CBR3: variants seen among roughly 807,000 people sequenced by gnomAD.
The protein encoded by CBR3 is carbonyl reductase 3, also known as carbonyl reductase [NADPH] 3.
A neutral mutation model predicts 11.6 loss-of-function variants in CBR3; 14 were observed. That is an observed-to-expected ratio of 1.20 (90% CI 0.79 to 1.88). The LOEUF (loss-of-function observed/expected upper bound fraction) is 1.88. CBR3 is among the 40% of genes most tolerant of loss of function. The probability of loss-of-function intolerance (pLI) is 0.00; values close to 1 mark genes in which losing one functional copy is unlikely to be tolerated. For missense variants in CBR3, 308 were observed against 357.3 expected (o/e 0.86, Z 1.11); for synonymous variants, 125 against 145.6 (o/e 0.86, Z 1.02).
At position 36,146,077 on chromosome 21, in the gene CBR3, G is replaced by A; in HGVS notation, c.399G>A (p.Gly133=). ...NELLPIMKPH[G]RVVNISSLQC... ...CATATATTTATCATTCTGTTTCAGG[G>A]AGAGTGGTGAATATCAGTAGTTTGC... The change falls in exon 3 of 3, where the codon GGG becomes GGA. Residue 133 remains glycine (G), a splice_region_variant and synonymous_variant. Coordinates refer to ENST00000290354, the MANE Select transcript of CBR3 (RefSeq NM_001236.4). The A allele has an allele frequency of 6.2e-7, 1 of 1,604,406 alleles. No homozygotes were observed. Among genetic ancestry groups the A allele is most frequent in the Non-Finnish European group, 8.5e-7 (1 of 1,171,796 alleles).
rs575657201 is a variant in CBR3 at position 36,141,902 on chromosome 21, A to G, written c.397+3970A>G. ...CTGTGTTTTTCTTTCTTCCTTTCCCATTCACATTTAATTCCTTGTAGCCGC... is the reference window on the plus strand; with the variant it reads ...CTGTGTTTTTCTTTCTTCCTTTCCCGTTCACATTTAATTCCTTGTAGCCGC... On this transcript the variant is annotated intron_variant, in intron 2 of 2. Transcript: ENST00000290354. 5 of 982,688 alleles carry G rather than the reference A, an allele frequency of 5.1e-6. No homozygotes were observed. In the African/African-American group the frequency reaches 8.7e-5, roughly 17 times the overall value. 60.9% of individuals were successfully genotyped at this position (982,688 alleles called of 1,614,324 possible). A position where few individuals can be genotyped will look rare whatever the true frequency, so the allele number is the denominator to read the frequency against.
rs750455904 is a variant in CBR3 at position 36,135,406 on chromosome 21, G to A, written c.214G>A (p.Ala72Thr). ...CATCGACGACTTGCAGAGCATCCGC[G>A]CCCTGCGCGACTTCCTGCGCAAGGA... Reference protein sequence around the residue: ...LDIDDLQSIRALRDFLRKEYG... With the variant: ...LDIDDLQSIRTLRDFLRKEYG... The change falls in exon 1 of 3, where the codon GCC becomes ACC. Residue 72 changes from alanine (A) to threonine (T), a missense_variant. By Grantham distance (58) the Ala-to-Thr change is moderately conservative. Transcript: ENST00000290354. 9.9e-6 allele frequency: 16 copies of A among 1,613,462 alleles called. No individual in the cohort carries two copies. The Admixed American group carries it at 1.2e-4, about 12-fold the overall frequency.
At chr21:36,145,960 C>CAA (rs367940562) in intron 2 of CBR3, 116 bp from the exon 3 acceptor site, 20,172 of 445,052 alleles carry the variant, frequency 0.045, 9 homozygotes, top group East Asian at 0.052. Context: ...GACTCTGTCT[C>CAA]AAAAAAAAAA....
chr21:36,144,323 G>A (rs1242665987), intron 2 of CBR3, among the ~76,000 whole-genome samples: 1 of 152,130 alleles, frequency 6.6e-6, no homozygotes, highest in Non-Finnish European at 1.5e-5. Context: ...GCTGGGCATG[G>A]TGGCACACAC....
chr21:36,145,978 A>AG lies in CBR3; in HGVS notation c.398-98_398-97insG. On this transcript the variant is annotated intron_variant, in intron 2 of 2. Transcript: ENST00000290354. ...TCTGTCTCAAAAAAAAAAAAAAAAAAAAACCTGCACCAAGACTCAATCATA... is the reference window on the plus strand; with the variant it reads ...TCTGTCTCAAAAAAAAAAAAAAAAAAGAAACCTGCACCAAGACTCAATCATA... The AG allele has an allele frequency of 3.6e-6, 3 of 823,876 alleles. No individual in the cohort carries two copies. In the South Asian group the frequency reaches 5.7e-5, roughly 16 times the overall value. The allele number at this position is 823,876 out of a possible 1,614,324, so 51.0% of individuals were successfully genotyped here.
At chr21:36,138,176 T>C (rs1351995702) in intron 2 of CBR3, 4 of 426,364 alleles carry the variant, frequency 9.4e-6, no homozygotes, top group Admixed American at 3.7e-5. Context: ...GGAAGAAATT[T>C]TGCTCTTGTT....
intron 2 of CBR3, among the ~76,000 whole-genome samples, chr21:36,140,537 G>A (rs1007944277): frequency 6.6e-5 from 10 of 151,722 alleles, no homozygotes; most frequent in Admixed American, 2.0e-4. Context: ...GTTTTCTCCC[G>A]ATAAATTTTT....
At chr21:36,141,827 C>A (rs2065711785) in intron 2 of CBR3, 2 of 628,046 alleles carry the variant, frequency 3.2e-6, no homozygotes, top group Admixed American at 6.3e-5. Flanking sequence ...AAAGAGGACA[C>A]CTCCTCCCCT....
At chr21:36,141,926 G>A (rs546783590) in intron 2 of CBR3, 229 of 984,188 alleles carry the variant, frequency 2.3e-4, no homozygotes, top group Middle Eastern at 2.1e-3. Flanking sequence ...CCTTGTAGCC[G>A]CCAAGTTTCT....
At chr21:36,145,388 G>A (rs561013463) in intron 2 of CBR3, among the ~76,000 whole-genome samples, 1 of 152,162 alleles carries the variant, frequency 6.6e-6, no homozygotes, top group East Asian at 1.9e-4. Context: ...GGAGTGTAGT[G>A]GAGTGTAGTG....
intron 2 of CBR3, among the ~76,000 whole-genome samples, chr21:36,145,523 A>G (rs998848789): frequency 2.0e-5 from 3 of 152,134 alleles, no homozygotes; most frequent in Non-Finnish European, 4.4e-5. Flanking sequence ...TATTGTTAGT[A>G]GAGACAGAGT....
intron 2 of CBR3, among the ~76,000 whole-genome samples, chr21:36,139,911 A>G (rs537138410): frequency 8.4e-6 from 1 of 118,346 alleles, no homozygotes; most frequent in East Asian, 2.7e-4. Flanking sequence ...TTTCTGAGAC[A>G]GAGTCTCCCT....
At chr21:36,137,558 G>GGAAA (rs2065671255) in intron 1 of CBR3, among the ~76,000 whole-genome samples, 1 of 124,992 alleles carries the variant, frequency 8.0e-6, no homozygotes, top group Non-Finnish European at 1.7e-5. Flanking sequence ...AAGGAAGGAA[G>GGAAA]GAAAGAAAAT....
chr21:36,140,762 C>T (rs1196761337), intron 2 of CBR3, among the ~76,000 whole-genome samples: 1 of 152,048 alleles, frequency 6.6e-6, no homozygotes, highest in Non-Finnish European at 1.5e-5. Flanking sequence ...AATCCTAGCA[C>T]TTTGGGAGGC....
At chr21:36,143,680 G>A (rs914464141) in intron 2 of CBR3, among the ~76,000 whole-genome samples, 14 of 151,978 alleles carry the variant, frequency 9.2e-5, no homozygotes, top group African/African-American at 3.4e-4. Flanking sequence ...AGGAGTTTGC[G>A]ACCAGCCCGG....
At chr21:36,139,962 G>A (rs988985490) in intron 2 of CBR3, among the ~76,000 whole-genome samples, 4 of 128,888 alleles carry the variant, frequency 3.1e-5, no homozygotes, top group African/African-American at 1.2e-4. Flanking sequence ...AGCTCAGCTC[G>A]CTGCAACCTC....
intron 2 of CBR3, among the ~76,000 whole-genome samples, chr21:36,142,814 T>C (rs1261566661): frequency 6.6e-6 from 1 of 152,092 alleles, no homozygotes; most frequent in African/African-American, 2.4e-5. Context: ...AATACATACA[T>C]ACACTTCATC....
intron 2 of CBR3, among the ~76,000 whole-genome samples, chr21:36,142,437 A>AAAAAAAAAAAC (rs1568981406): frequency 3.6e-5 from 3 of 82,252 alleles, no homozygotes; most frequent in Non-Finnish European, 6.2e-5. Flanking sequence ...ATCTCAAAAA[A>AAAAAAAAAAAC]AAAAAAAAAA....
At chr21:36,143,664 G>A (rs1013267644) in intron 2 of CBR3, among the ~76,000 whole-genome samples, 2 of 152,022 alleles carry the variant, frequency 1.3e-5, no homozygotes, top group African/African-American at 4.8e-5. Flanking sequence ...CAGATCTCCT[G>A]AGCTCAGGAG....
Sources: allele counts gnomAD v4.1 joint callset (sites outside exome capture counted in the v4.1 genomes callset), GRCh38; gene constraint gnomAD v4.1.1; transcripts MANE v1.5; gene names NCBI Gene and HGNC (gene_info 2026-07-23, HGNC 2026-07-21).